The following TMEM248 variants were observed in gnomAD, a reference collection of about 807,000 sequenced individuals.
TMEM248 encodes the protein UPF0458 protein C7orf42.
TMEM248 carries 9 observed loss-of-function variants against 30.3 expected under a neutral mutation model. That is an observed-to-expected ratio of 0.30 (90% CI 0.18 to 0.52). The LOEUF (loss-of-function observed/expected upper bound fraction) is 0.52. TMEM248 is among the 20% of genes least tolerant of loss of function. The probability of loss-of-function intolerance (pLI) is 0.97; values close to 1 mark genes in which losing one functional copy is unlikely to be tolerated. For synonymous variants in TMEM248, 184 were observed against 154.4 expected (o/e 1.19, Z -1.42); for missense variants, 338 against 403.3 (o/e 0.84, Z 1.39).
intron 1 of TMEM248, among the ~76,000 whole-genome samples, chr7:66,926,964 A>G (rs955144040): frequency 6.6e-6 from 1 of 152,150 alleles, no homozygotes; most frequent in African/African-American, 2.4e-5. Flanking sequence ...TCCCAGTCTT[A>G]CACACTGAGT....
At chr7:66,953,734 A>T (rs1792329282) in intron 6 of TMEM248, among the ~76,000 whole-genome samples, 1 of 151,200 alleles carries the variant, frequency 6.6e-6, no homozygotes, top group African/African-American at 2.4e-5. Flanking sequence ...CCTCCCGAGG[A>T]GCTGGGATTA....
At chr7:66,931,448 T>C (rs1333429076) in intron 1 of TMEM248, among the ~76,000 whole-genome samples, 1 of 152,070 alleles carries the variant, frequency 6.6e-6, no homozygotes, top group African/African-American at 2.4e-5. Context: ...GAATGTTAAC[T>C]TACTTTTTTT....
intron 1 of TMEM248, among the ~76,000 whole-genome samples, chr7:66,940,203 C>G (rs905262153): frequency 5.3e-5 from 8 of 152,172 alleles, no homozygotes; most frequent in African/African-American, 1.7e-4. Context: ...ATCCACCCGC[C>G]TCGGCCTCCC....
intron 6 of TMEM248, among the ~76,000 whole-genome samples, chr7:66,954,383 AT>A (rs557096964): frequency 0.01 from 1,277 of 125,288 alleles, 2 homozygotes; most frequent in Middle Eastern, 0.019. Flanking sequence ...TGCTTTTTTA[AT>A]TTTTTTTTTT....
At position 66,953,213 on chromosome 7, in the gene TMEM248, CTTCT is replaced by C. The variant is rs761038372; in HGVS notation, c.781-10_781-7del. On this transcript the variant is annotated splice_polypyrimidine_tract_variant and intron_variant, in intron 5 of 6. Coordinates refer to ENST00000341567, the MANE Select transcript of TMEM248 (RefSeq NM_017994.5). ...AGCAGATGTTTCTGATTTTTTTTCT[CTTCT>C]TTATTTAGGATGACCGTTCATTAAT... The C allele has an allele frequency of 1.2e-6, 2 of 1,610,078 alleles. No homozygotes were observed. Among genetic ancestry groups the C allele is most frequent in the Non-Finnish European group, 1.7e-6 (2 of 1,178,770 alleles).
chr7:66,937,925 A>G (rs1316720928), intron 1 of TMEM248, among the ~76,000 whole-genome samples: 1 of 151,980 alleles, frequency 6.6e-6, no homozygotes. Flanking sequence ...AAAGAAACTG[A>G]CTGTTGGTCA....
At chr7:66,950,555 A>AT (rs1225628787) in intron 4 of TMEM248, among the ~76,000 whole-genome samples, 1 of 152,200 alleles carries the variant, frequency 6.6e-6, no homozygotes, top group Admixed American at 6.5e-5. Context: ...TCCTTTATAA[A>AT]TAACCCAGTC....
Position 66,928,102 on chromosome 7 carries a change from T to C in TMEM248, c.-19+6641T>C, listed in dbSNP as rs112538652. Reference sequence around the variant, plus strand: ...TGCTGGTGGGCGCCTGTAATCCCATTTAGTCAGGAGTCTGAAGCAGGAGAA... The same window carrying C: ...TGCTGGTGGGCGCCTGTAATCCCATCTAGTCAGGAGTCTGAAGCAGGAGAA... On this transcript the variant is annotated intron_variant, in intron 1 of 6. Coordinates refer to ENST00000341567, the MANE Select transcript of TMEM248 (RefSeq NM_017994.5). Among the ~76,000 whole-genome samples the C allele has an allele frequency of 1.3e-3, 192 of 152,140 alleles. 1 individual carries two copies. The highest frequency in any genetic ancestry group is 4.5e-3 in the African/African-American group (186 of 41,510).
chr7:66,931,297 C>CAAAAAAAAAAAAAA (rs758131446), intron 1 of TMEM248, among the ~76,000 whole-genome samples: 3 of 64,382 alleles, frequency 4.7e-5, no homozygotes, highest in Non-Finnish European at 9.3e-5. Flanking sequence ...GACAATATCT[C>CAAAAAAAAAAAAAA]AAAAAAAAAA....
intron 1 of TMEM248, among the ~76,000 whole-genome samples, chr7:66,928,888 G>A (rs1299683877): frequency 3.3e-5 from 5 of 151,988 alleles, no homozygotes; most frequent in East Asian, 1.9e-4. Context: ...CCTGGGTTCC[G>A]GTGATCCCTC....
chr7:66,923,443 G>A (rs187534130), intron 1 of TMEM248, among the ~76,000 whole-genome samples: 4 of 152,170 alleles, frequency 2.6e-5, no homozygotes, highest in Admixed American at 1.3e-4. Flanking sequence ...TGCTCAGCCC[G>A]AAACTCGTGA....
At chr7:66,955,393 ACTGT>A (rs1353414778) in intron 6 of TMEM248, 105 bp from the exon 7 acceptor site, 2 of 1,258,038 alleles carry the variant, frequency 1.6e-6, no homozygotes, top group Admixed American at 2.1e-5. Flanking sequence ...TAGTAACTTC[ACTGT>A]CTGGTTGATA....
chr7:66,947,232 A>C lies in TMEM248; in HGVS notation c.446-1312A>C, dbSNP rs1305240731. Among the ~76,000 whole-genome samples the C allele has an allele frequency of 1.3e-4, 20 of 151,586 alleles. 1 individual carries two copies. Among genetic ancestry groups the C allele is most frequent in the African/African-American group, 4.8e-4 (20 of 41,406 alleles). On this transcript the variant is annotated intron_variant, in intron 3 of 6. Transcript: ENST00000341567. ...CCTGTCTCAAAAAAAAAAAAAAAAA[A>C]AAACAAGAAACAAATAAAAAGTCCT...
chr7:66,935,442 C>T (rs1181534171), intron 1 of TMEM248, among the ~76,000 whole-genome samples: 3 of 152,220 alleles, frequency 2.0e-5, no homozygotes, highest in African/African-American at 7.2e-5. Context: ...CTTGGCCTCC[C>T]AAAGTGTTGG....
intron 1 of TMEM248, among the ~76,000 whole-genome samples, chr7:66,924,713 A>T (rs1283267391): frequency 7.0e-6 from 1 of 142,196 alleles, no homozygotes; most frequent in Admixed American, 7.1e-5. Flanking sequence ...CCTTATTTTT[A>T]TTTATTTATT....
intron 2 of TMEM248, among the ~76,000 whole-genome samples, chr7:66,944,200 G>A (rs898790991): frequency 8.1e-5 from 12 of 148,716 alleles, no homozygotes; most frequent in African/African-American, 2.2e-4. Context: ...CACCTCCCAG[G>A]TTCAAGCGAT....
Position 66,953,255 on chromosome 7 carries a change from C to G in TMEM248, c.810C>G (p.Leu270=), listed in dbSNP as rs780829806. The G allele has an allele frequency of 1.9e-6, 3 of 1,614,112 alleles. No homozygotes were observed. In the South Asian group the frequency reaches 3.3e-5, roughly 18 times the overall value. The change falls in exon 6 of 7, where the codon CTC becomes CTG. Residue 270 remains leucine, a synonymous_variant. Coordinates refer to ENST00000341567, the MANE Select transcript of TMEM248 (RefSeq NM_017994.5). ...DDDRSLINLH[L]MHTSYFLFVM... is the part of the protein sequence containing the mutation. ...ACCGTTCATTAATAAATTTGCATCT[C>G]ATGCACACCAGTTACTTCCTCTTTG...
chr7:66,934,489 C>T (rs895791413), intron 1 of TMEM248, among the ~76,000 whole-genome samples: 1 of 152,222 alleles, frequency 6.6e-6, no homozygotes, highest in Non-Finnish European at 1.5e-5. Context: ...GCGTGAACCA[C>T]TGCGCCCGGT....
chr7:66,934,052 A>G (rs1220574907), intron 1 of TMEM248, among the ~76,000 whole-genome samples: 1 of 151,134 alleles, frequency 6.6e-6, no homozygotes, highest in Non-Finnish European at 1.5e-5. Flanking sequence ...TTTTCTCGTA[A>G]CTCTTTGCAG....
Sources: allele counts gnomAD v4.1 joint callset (sites outside exome capture counted in the v4.1 genomes callset), GRCh38; gene constraint gnomAD v4.1.1; transcripts MANE v1.5; gene names NCBI Gene and HGNC (gene_info 2026-07-23, HGNC 2026-07-21).